The following MEX3A variants were observed in gnomAD, a reference collection of about 807,000 sequenced individuals.
MEX3A encodes mex-3 RNA binding family member A, also known as RNA-binding protein MEX3A.
MEX3A carries 4 observed loss-of-function variants against 30.0 expected under a neutral mutation model. The observed-to-expected ratio is 0.13, with a 90% CI of 0.07 to 0.30. The LOEUF (loss-of-function observed/expected upper bound fraction) is 0.30, where lower values mean the gene tolerates loss of function less well. MEX3A is among the 10% of genes least tolerant of loss of function. The pLI, the probability that MEX3A is intolerant of heterozygous loss-of-function variation, is 1.00. For missense variants in MEX3A, 555 were observed against 736.7 expected, an observed-to-expected ratio of 0.75 and a Z score of 2.86; for synonymous variants, 335 against 327.6, an observed-to-expected ratio of 1.02 and a Z score of -0.24.
rs958593646 is a variant in MEX3A, at chr1:156,073,516, T to G, written c.*3058A>C. The G allele has an allele frequency of 6.5e-6, 1 of 152,712 alleles. No homozygotes were observed. Among genetic ancestry groups the G allele is most frequent in the African/African-American group, 2.4e-5 (1 of 41,424 alleles). The allele number at this position is 152,712 out of a possible 1,614,324, so 9.5% of individuals were successfully genotyped here. On this transcript the variant is annotated 3_prime_UTR_variant, in exon 2 of 2. Coordinates refer to ENST00000532414, the MANE Select transcript of MEX3A (RefSeq NM_001093725.2). ...CTTCCCTCCTCTATTTATCTTTTCC[T>G]TACAACTTTTATACATTCTACTGGA... is the stretch of plus-strand genomic sequence containing the variant.
chr1:156,077,112 A>G lies in MEX3A; in HGVS notation c.1025T>C (p.Ile342Thr). 1 of 1,613,858 alleles carries G rather than the reference A, an allele frequency of 6.2e-7. No homozygotes were observed. Among genetic ancestry groups the G allele is most frequent in the South Asian group, 1.1e-5 (1 of 91,088 alleles). ...GCCAGAGTCCACTCCGCACTCGCCG[A>G]TGCAGCCCAGGCTGTTCTGCCGGAA... ...STFRQNSLGC[I>T]GECGVDSGFE... The change falls in exon 2 of 2, where the codon ATC becomes ACC. Residue 342 changes from isoleucine (I) to threonine (T), a missense_variant. This residue lies in a region of MEX3A where 281 missense variants were observed against 265.1 expected (regional missense o/e 1.06). Transcript: ENST00000532414. The surrounding 1 kb of genome is among the most constrained non-coding windows in gnomAD (Gnocchi z 8.3).
Position 156,074,387 on chromosome 1 carries a change from T to C in MEX3A, c.*2187A>G, listed in dbSNP as rs1227092962. The C allele has an allele frequency of 6.6e-6, 1 of 152,006 alleles. No homozygotes were observed. The highest frequency in any genetic ancestry group is 1.5e-5 in the Non-Finnish European group (1 of 67,930). 9.4% of individuals were successfully genotyped at this position (152,006 alleles called of 1,614,324 possible). ...AAACGCCTTTATTAAAATAGAATAT[T>C]AAATTATAAAGAACTGCTTTTTTTT... On this transcript the variant is annotated 3_prime_UTR_variant, in exon 2 of 2. Transcript: ENST00000532414.
In MEX3A at chr1:156,081,802, C is replaced by A. The variant is rs1286608718; in HGVS notation, c.197G>T (p.Gly66Val). Residue 66 changes from glycine (G) to valine (V), a missense_variant, in exon 1 of 2, where the codon GGG becomes GTG. Gly to Val is a moderately radical substitution (Grantham distance 109). Coordinates refer to ENST00000532414, the MANE Select transcript of MEX3A (RefSeq NM_001093725.2). ...PTAGEDGGGG[G>V]GGAPAQPAAP... ...GGCCGGCTGCGCGGGGGCGCCGCCC[C>A]CCCCACCTCCCCCGTCCTCGCCCGC... 11 of 1,161,710 alleles carry A rather than the reference C, an allele frequency of 9.5e-6. No homozygotes were observed. The African/African-American group carries it at 1.8e-4, about 19-fold the overall frequency. 72.0% of individuals were successfully genotyped at this position (1,161,710 alleles called of 1,614,324 possible).
chr1:156,076,879 C>T lies in MEX3A; in HGVS notation c.1258G>A (p.Ala420Thr), dbSNP rs956595778. ...SSSSSSAKARAGPPGAHRSPA... is the reference protein window; with the variant it reads ...SSSSSSAKARTGPPGAHRSPA... ...GAGCGGTGTGCGCCCGGGGGCCCAG[C>T]GCGGGCCTTGGCGGAAGAGGAGGAG... The change falls in exon 2 of 2, where the codon GCT (alanine) becomes ACT (threonine). Residue 420 changes from alanine to threonine, a missense_variant. Transcript: ENST00000532414. This position sits in a 1 kb window ranked among gnomAD's most constrained non-coding sequence, Gnocchi z 6.0. 2 of 1,541,050 alleles carry T rather than the reference C, an allele frequency of 1.3e-6. No individual in the cohort carries two copies. Among genetic ancestry groups the T allele is most frequent in the Admixed American group, 2.0e-5 (1 of 50,480 alleles).
intron 1 of MEX3A, among the ~76,000 whole-genome samples, chr1:156,078,171 AAT>A (rs1367918583): frequency 6.6e-6 from 1 of 152,082 alleles, no homozygotes; most frequent in Non-Finnish European, 1.5e-5. Context: ...GTAACCTCAT[AAT>A]CTACTCATCT....
chr1:156,077,181 T>TAGCC lies in MEX3A; in HGVS notation c.955_956insGGCT (p.Asp319GlyfsTer35). On this transcript the variant is annotated frameshift_variant, in exon 2 of 2. Coordinates refer to ENST00000532414, the MANE Select transcript of MEX3A (RefSeq NM_001093725.2). LOFTEE classifies it high-confidence loss of function. The surrounding 1 kb of genome is among the most constrained non-coding windows in gnomAD (Gnocchi z 8.3). ...GCCGGGCTGGTGCACCCGCCAGGCG[T>TAGCC]CGGAGTAGCGGCTATCGATTGCTGC... 1 of 1,613,414 alleles carries TAGCC rather than the reference T, an allele frequency of 6.2e-7. No individual in the cohort carries two copies. The highest frequency in any genetic ancestry group is 1.1e-5 in the South Asian group (1 of 91,072).
Position 156,077,510 on chromosome 1 carries a change from C to T in MEX3A, c.627G>A (p.Lys209=), listed in dbSNP as rs756383667. ...GAGCCACACCAAAGGCGGCGCCTGA[C>T]TTGTTGCGGGAGGCACGGATCATGG... ...HFSMIRASRN[K]SGAAFGVAPA... is the part of the protein sequence containing the mutation. The change falls in exon 2 of 2, where the codon AAG becomes AAA. Residue 209 remains lysine, a synonymous_variant. Coordinates refer to ENST00000532414, the MANE Select transcript of MEX3A (RefSeq NM_001093725.2). The surrounding 1 kb of genome is among the most constrained non-coding windows in gnomAD (Gnocchi z 8.3). The T allele has an allele frequency of 4.3e-6, 7 of 1,612,976 alleles. No individual in the cohort carries two copies. Among genetic ancestry groups the T allele is most frequent in the South Asian group, 1.1e-5 (1 of 90,932 alleles).
chr1:156,079,666 T>C (rs1648166040), intron 1 of MEX3A, among the ~76,000 whole-genome samples: 1 of 152,184 alleles, frequency 6.6e-6, no homozygotes, highest in South Asian at 2.1e-4. Flanking sequence ...ATTTTCGAGG[T>C]ATGGAGGGTC....
At position 156,076,822 on chromosome 1, in the gene MEX3A, C is replaced by T; in HGVS notation, c.1315G>A (p.Gly439Arg). 6.4e-7 allele frequency: 1 copy of T among 1,550,944 alleles called. No individual in the cohort carries two copies. The highest frequency in any genetic ancestry group is 8.7e-7 in the Non-Finnish European group (1 of 1,147,334). ...PATSAGPELA[G>R]LPRRPPGEPL... ...TCTCCCGGGGGGCGCCTCGGGAGTCCGGCCAGCTCGGGTCCCGCGGAAGTG... is the reference window on the plus strand; with the variant it reads ...TCTCCCGGGGGGCGCCTCGGGAGTCTGGCCAGCTCGGGTCCCGCGGAAGTG... Residue 439 changes from glycine to arginine, a missense_variant, in exon 2 of 2, where the codon GGA (glycine) becomes AGA (arginine). By Grantham distance (125) the Gly-to-Arg change is moderately radical. This residue lies in a region of MEX3A where 281 missense variants were observed against 265.1 expected (regional missense o/e 1.06). Transcript: ENST00000532414. The surrounding 1 kb of genome is among the most constrained non-coding windows in gnomAD (Gnocchi z 6.0).
rs1647987503 is a variant in MEX3A, at chr1:156,074,009, G to C, written c.*2565C>G. 6.6e-6 allele frequency: 1 copy of C among 152,428 alleles called. No homozygotes were observed. The highest frequency in any genetic ancestry group is 1.5e-5 in the Non-Finnish European group (1 of 67,986). The allele number at this position is 152,428 out of a possible 1,614,324, so 9.4% of individuals were successfully genotyped here. ...GGAGTGAAATCCAATCTACTGGAAG[G>C]GTCCCAGGAGGGACCGGGTTCCCCC... On this transcript the variant is annotated 3_prime_UTR_variant, in exon 2 of 2. Coordinates refer to ENST00000532414, the MANE Select transcript of MEX3A (RefSeq NM_001093725.2).
At position 156,077,330 on chromosome 1, in the gene MEX3A, C is replaced by G; in HGVS notation, c.807G>C (p.Glu269Asp). ...TPSRDRDPVF[E>D]ITGAPGNVER... is the part of the protein sequence containing the mutation. ...CCACGTTGCCTGGGGCACCCGTGAT[C>G]TCGAACACGGGGTCGCGGTCACGGC... is the stretch of plus-strand genomic sequence containing the variant. The change falls in exon 2 of 2, where the codon GAG becomes GAC. Residue 269 changes from glutamate (E) to aspartate (D), a missense_variant. Transcript: ENST00000532414. The surrounding 1 kb of genome is among the most constrained non-coding windows in gnomAD (Gnocchi z 8.3). 1 of 1,613,946 alleles carries G rather than the reference C, an allele frequency of 6.2e-7. No individual in the cohort carries two copies. The highest frequency in any genetic ancestry group is 8.5e-7 in the Non-Finnish European group (1 of 1,179,844).
At position 156,074,385 on chromosome 1, in the gene MEX3A, A is replaced by T. The variant is rs1342005828; in HGVS notation, c.*2189T>A. On this transcript the variant is annotated 3_prime_UTR_variant, in exon 2 of 2. Transcript: ENST00000532414. ...ATAAACGCCTTTATTAAAATAGAAT[A>T]TTAAATTATAAAGAACTGCTTTTTT... is the stretch of plus-strand genomic sequence containing the variant. 6.7e-6 allele frequency: 1 copy of T among 149,928 alleles called. No individual in the cohort carries two copies. Among genetic ancestry groups the T allele is most frequent in the Non-Finnish European group, 1.5e-5 (1 of 67,452 alleles). The allele number at this position is 149,928 out of a possible 1,614,324, so 9.3% of individuals were successfully genotyped here. A position where few individuals can be genotyped will look rare whatever the true frequency, so the allele number is the denominator to read the frequency against.
intron 1 of MEX3A, among the ~76,000 whole-genome samples, chr1:156,080,497 C>G (rs1392338390): frequency 6.6e-6 from 1 of 152,076 alleles, no homozygotes; most frequent in African/African-American, 2.4e-5. Flanking sequence ...GGGACAGCTC[C>G]TCCCCCACCC....
chr1:156,075,753 G>T lies in MEX3A; in HGVS notation c.*821C>A. The T allele has an allele frequency of 6.5e-6, 1 of 153,358 alleles. No individual in the cohort carries two copies. 9.5% of individuals were successfully genotyped at this position (153,358 alleles called of 1,614,324 possible). A position where few individuals can be genotyped will look rare whatever the true frequency, so the allele number is the denominator to read the frequency against. On this transcript the variant is annotated 3_prime_UTR_variant, in exon 2 of 2. Transcript: ENST00000532414. ...AAAGACAAGGAACAAGACAGAGCTG[G>T]GAGTGACAGCCACCAAAAGAAAGCA...
At position 156,077,172 on chromosome 1, in the gene MEX3A, C is replaced by A; in HGVS notation, c.965G>T (p.Arg322Leu). The A allele has an allele frequency of 6.2e-7, 1 of 1,613,444 alleles. No individual in the cohort carries two copies. The highest frequency in any genetic ancestry group is 8.5e-7 in the Non-Finnish European group (1 of 1,179,832). ...GGGCTTGCAGCCGGGCTGGTGCACC[C>A]GCCAGGCGTCGGAGTAGCGGCTATC... ...AIDSRYSDAW[R>L]VHQPGCKPLS... Residue 322 changes from arginine to leucine, a missense_variant, in exon 2 of 2, where the codon CGG becomes CTG. Around this residue, in one of 6 missense-constraint regions of MEX3A, gnomAD observed 281 missense variants for 265.1 expected, o/e 1.06. Transcript: ENST00000532414. The surrounding 1 kb of genome is among the most constrained non-coding windows in gnomAD (Gnocchi z 8.3).
At position 156,077,160 on chromosome 1, in the gene MEX3A, G is replaced by T. The variant is rs1463373100; in HGVS notation, c.977C>A (p.Pro326His). The T allele has an allele frequency of 6.2e-7, 1 of 1,613,454 alleles. No homozygotes were observed. The highest frequency in any genetic ancestry group is 8.5e-7 in the Non-Finnish European group (1 of 1,179,842). Reference protein sequence around the residue: ...RYSDAWRVHQPGCKPLSTFRQ... With the variant: ...RYSDAWRVHQHGCKPLSTFRQ... ...GAAGGTGGAGAGGGGCTTGCAGCCG[G>T]GCTGGTGCACCCGCCAGGCGTCGGA... Residue 326 changes from proline (P) to histidine (H), a missense_variant, in exon 2 of 2, where the codon CCC becomes CAC. By Grantham distance (77) the Pro-to-His change is moderately conservative. Transcript: ENST00000532414. This position sits in a 1 kb window ranked among gnomAD's most constrained non-coding sequence, Gnocchi z 8.3.
Position 156,081,825 on chromosome 1 carries a change from C to T in MEX3A, c.174G>A (p.Ala58=). The change falls in exon 1 of 2, where the codon GCG becomes GCA. Residue 58 remains alanine, a synonymous_variant. Coordinates refer to ENST00000532414, the MANE Select transcript of MEX3A (RefSeq NM_001093725.2). ...LGLGEPPAPT[A]GEDGGGGGGG... ...CCCCCCCACCTCCCCCGTCCTCGCC[C>T]GCCGTGGGGGCGGGGGGCTCCCCCA... 3.6e-6 allele frequency: 5 copies of T among 1,378,096 alleles called. No homozygotes were observed. The highest frequency in any genetic ancestry group is 4.7e-6 in the Non-Finnish European group (5 of 1,055,842). The allele number at this position is 1,378,096 out of a possible 1,614,324, so 85.4% of individuals were successfully genotyped here.
Position 156,081,597 on chromosome 1 carries a change from C to T in MEX3A, c.402G>A (p.Glu134=), listed in dbSNP as rs750828480. ...LRLKGSSNTT[E]CVPVPTSEHV... is the part of the protein sequence containing the mutation. ...GCTCGGAGGTGGGCACGGGAACACACTCCGTGGTGTTGCTGCTGCCCTTCA... is the reference window on the plus strand; with the variant it reads ...GCTCGGAGGTGGGCACGGGAACACATTCCGTGGTGTTGCTGCTGCCCTTCA... The change falls in exon 1 of 2, where the codon GAG becomes GAA. Residue 134 remains glutamate, a synonymous_variant. Coordinates refer to ENST00000532414, the MANE Select transcript of MEX3A (RefSeq NM_001093725.2). The T allele has an allele frequency of 5.7e-6, 9 of 1,590,846 alleles. No homozygotes were observed. The East Asian group carries it at 1.4e-4, about 24-fold the overall frequency.
Position 156,081,939 on chromosome 1 carries a change from T to A in MEX3A, c.60A>T (p.Gly20=). The A allele has an allele frequency of 6.5e-7, 1 of 1,538,096 alleles. No individual in the cohort carries two copies. The highest frequency in any genetic ancestry group is 8.8e-7 in the Non-Finnish European group (1 of 1,140,846). The change falls in exon 1 of 2, where the codon GGA becomes GGT. Residue 20 remains glycine (G), a synonymous_variant. Transcript: ENST00000532414. ...MERNGGFGEL[G]CFGGSAKDRG... Reference sequence around the variant, plus strand: ...GGTCCTTAGCGCTTCCCCCGAAACATCCTAGTTCTCCAAAGCCCCCATTTC... The same window carrying A: ...GGTCCTTAGCGCTTCCCCCGAAACAACCTAGTTCTCCAAAGCCCCCATTTC...
Sources: gnomAD v4.1 joint callset for allele counts (sites outside exome capture counted in the v4.1 genomes callset) on GRCh38, gnomAD v4.1.1 for gene constraint, gnomAD v4.1.1 regional missense constraint, Gnocchi (gnomAD v3.1) non-coding constraint, MANE v1.5 for transcripts, NCBI Gene and HGNC (gene_info 2026-07-23, HGNC 2026-07-21) for gene names.